ALCAM: variants seen among roughly 807,000 people sequenced by gnomAD.
ALCAM encodes the protein CD166 antigen.
A neutral mutation model predicts 70.9 loss-of-function variants in ALCAM; 30 were observed. The ratio of observed to expected loss-of-function variants is 0.42; its 90% CI spans 0.32 to 0.57. The LOEUF is 0.57. ALCAM is among the 20% of genes least tolerant of loss of function. The pLI is 0.11. For missense variants in ALCAM, 591 were observed against 695.1 expected (o/e 0.85, Z 1.68); for synonymous variants, 249 against 242.5 (o/e 1.03, Z -0.25).
At position 105,547,182 on chromosome 3, in the gene ALCAM, T is replaced by C. The variant is rs773259261; in HGVS notation, c.1138T>C (p.Ser380Pro). 1.2e-6 allele frequency: 2 copies of C among 1,604,180 alleles called. No individual in the cohort carries two copies. Among genetic ancestry groups the C allele is most frequent in the Non-Finnish European group, 1.7e-6 (2 of 1,175,770 alleles). ...CAGGCTTCGATCTAGCCCGTCATTTTCTAGTCTTCATTATCAGGATGCTGG... is the reference window on the plus strand; with the variant it reads ...CAGGCTTCGATCTAGCCCGTCATTTCCTAGTCTTCATTATCAGGATGCTGG... ...NIRLRSSPSF[S>P]SLHYQDAGNY... The change falls in exon 10 of 16, where the codon TCT becomes CCT. Residue 380 changes from serine to proline, a missense_variant. Transcript: ENST00000306107.
intron 1 of ALCAM, among the ~76,000 whole-genome samples, chr3:105,428,513 A>T (rs1936849955): frequency 6.6e-6 from 1 of 151,840 alleles, no homozygotes; most frequent in Non-Finnish European, 1.5e-5. Flanking sequence ...TGAGTACAAT[A>T]CTATTATTTA....
At position 105,571,963 on chromosome 3, in the gene ALCAM, A is replaced by T. The variant is rs771948997; in HGVS notation, c.*24A>T. On this transcript the variant is annotated splice_region_variant and 3_prime_UTR_variant, in exon 15 of 16. Coordinates refer to ENST00000306107, the MANE Select transcript of ALCAM (RefSeq NM_001627.4). ...AAGAGAGAAACTGTCCTAGTTGTCC[A>T]GGTGAGTAGTCTGTACGAGGTTCAT... The T allele has an allele frequency of 5.2e-6, 8 of 1,549,660 alleles. No individual in the cohort carries two copies. The South Asian group carries it at 9.0e-5, about 17-fold the overall frequency.
At chr3:105,485,126 A>G (rs940124523) in intron 1 of ALCAM, among the ~76,000 whole-genome samples, 5 of 152,108 alleles carry the variant, frequency 3.3e-5, no homozygotes, top group African/African-American at 4.8e-5. Context: ...AAGGGAATAG[A>G]AATAAAAGTA....
intron 14 of ALCAM, among the ~76,000 whole-genome samples, chr3:105,557,769 G>T (rs1367322637): frequency 6.6e-6 from 1 of 152,046 alleles, no homozygotes; most frequent in African/African-American, 2.4e-5. Flanking sequence ...TATTGACCTA[G>T]ATGGAAAAGC....
In ALCAM at chr3:105,574,272, A is replaced by T. The variant is rs1940917394; in HGVS notation, c.*26-205A>T. 1.3e-5 allele frequency among the ~76,000 whole-genome samples: 2 copies of T among 152,162 alleles called. 1 individual carries two copies. Among genetic ancestry groups the T allele is most frequent in the South Asian group, 4.1e-4 (2 of 4,832 alleles). On this transcript the variant is annotated intron_variant, in intron 15 of 15. Transcript: ENST00000306107. Reference sequence around the variant, plus strand: ...AATATTAGTATTAATTTTACAAAAAAAGAAAACTCTGAATAATTCCAAAAA... The same window carrying T: ...AATATTAGTATTAATTTTACAAAAATAGAAAACTCTGAATAATTCCAAAAA...
chr3:105,434,197 A>T (rs1347643391), intron 1 of ALCAM, among the ~76,000 whole-genome samples: 1 of 152,154 alleles, frequency 6.6e-6, no homozygotes, highest in Non-Finnish European at 1.5e-5. Flanking sequence ...TGTTGTGCTA[A>T]CACAGAGCTT....
intron 1 of ALCAM, among the ~76,000 whole-genome samples, chr3:105,463,580 T>C (rs543650422): frequency 9.6e-4 from 145 of 151,524 alleles, no homozygotes; most frequent in African/African-American, 3.3e-3. Context: ...TTGGGGTGAT[T>C]TGAGAAAAAG....
chr3:105,493,899 A>G (rs143373440), intron 1 of ALCAM, among the ~76,000 whole-genome samples: 2,813 of 152,312 alleles, frequency 0.018, 28 homozygotes, highest in Middle Eastern at 0.051. Context: ...TCTAAGAAAT[A>G]AGGGCCATTA....
intron 1 of ALCAM, among the ~76,000 whole-genome samples, chr3:105,378,994 C>T (rs1167620057): frequency 6.6e-6 from 1 of 152,022 alleles, no homozygotes; most frequent in South Asian, 2.1e-4. Context: ...CTCAGAGACT[C>T]CAGACTGAAA....
At chr3:105,443,259 T>A (rs1183236845) in intron 1 of ALCAM, among the ~76,000 whole-genome samples, 1 of 152,188 alleles carries the variant, frequency 6.6e-6, no homozygotes, top group Non-Finnish European at 1.5e-5. Flanking sequence ...AAGACATGCC[T>A]ATATTCCCAG....
At position 105,505,917 on chromosome 3, in the gene ALCAM, G is replaced by C. The variant is rs562655529; in HGVS notation, c.74-14150G>C. Among the ~76,000 whole-genome samples, 14 of 152,060 alleles carry C rather than the reference G, an allele frequency of 9.2e-5. No individual in the cohort carries two copies. The South Asian group carries it at 2.9e-3, about 32-fold the overall frequency. On this transcript the variant is annotated intron_variant, in intron 1 of 15. Transcript: ENST00000306107. ...TATAAATATTCTCATAGCTACAAAG[G>C]CTTTAGAACAAATAGAAAATTTCCA...
chr3:105,468,313 T>C (rs1186617984), intron 1 of ALCAM, among the ~76,000 whole-genome samples: 1 of 151,196 alleles, frequency 6.6e-6, no homozygotes, highest in Non-Finnish European at 1.5e-5. Context: ...TAGTAAAAAG[T>C]TTGGTTAATC....
At chr3:105,403,213 C>G (rs1310895174) in intron 1 of ALCAM, among the ~76,000 whole-genome samples, 1 of 152,104 alleles carries the variant, frequency 6.6e-6, no homozygotes, top group African/African-American at 2.4e-5. Context: ...TCCCACAGTG[C>G]CGGGATTACA....
chr3:105,384,715 A>G (rs150087568), intron 1 of ALCAM, among the ~76,000 whole-genome samples: 1 of 151,602 alleles, frequency 6.6e-6, no homozygotes, highest in African/African-American at 2.4e-5. Context: ...TCCATGTAAA[A>G]TAGTACTTTA....
chr3:105,430,684 G>A (rs187267969), intron 1 of ALCAM, among the ~76,000 whole-genome samples: 179 of 152,148 alleles, frequency 1.2e-3, no homozygotes, highest in African/African-American at 4.2e-3. Context: ...GTCTTTAGAA[G>A]GAAGTCACTA....
intron 6 of ALCAM, among the ~76,000 whole-genome samples, chr3:105,535,913 A>G (rs531423459): frequency 6.6e-6 from 1 of 152,196 alleles, no homozygotes; most frequent in East Asian, 1.9e-4. Context: ...CCTAGGGCAC[A>G]ATATCTTATA....
chr3:105,541,123 C>A (rs561983639), intron 7 of ALCAM, among the ~76,000 whole-genome samples: 23 of 150,138 alleles, frequency 1.5e-4, no homozygotes, highest in African/African-American at 4.7e-4. Context: ...TTCTTTTTTT[C>A]TTTTGTCATT....
chr3:105,377,939 T>C (rs558700611), intron 1 of ALCAM, among the ~76,000 whole-genome samples: 1 of 152,190 alleles, frequency 6.6e-6, no homozygotes, highest in Non-Finnish European at 1.5e-5. Context: ...TGCCACTTTG[T>C]AAACCCTGTA....
intron 1 of ALCAM, among the ~76,000 whole-genome samples, chr3:105,399,055 T>C (rs192999915): frequency 2.3e-4 from 35 of 152,302 alleles, no homozygotes; most frequent in Admixed American, 8.5e-4. Context: ...GTGAATTTCT[T>C]ATAAGGCATA....
Sources: allele counts gnomAD v4.1 joint callset (sites outside exome capture counted in the v4.1 genomes callset), GRCh38; gene constraint gnomAD v4.1.1; transcripts MANE v1.5; gene names NCBI Gene and HGNC (gene_info 2026-07-23, HGNC 2026-07-21).